MCUB: variants seen among roughly 807,000 people sequenced by gnomAD.
MCUB encodes calcium uniporter regulatory subunit MCUb, mitochondrial.
A neutral mutation model predicts 41.4 loss-of-function variants in MCUB; 46 were observed. The observed-to-expected ratio is 1.11, with a 90% CI of 0.88 to 1.42. The LOEUF is 1.42. Ranked by LOEUF, MCUB falls within the 40% of genes most tolerant of loss-of-function variation. The probability of loss-of-function intolerance (pLI) is 0.00; values close to 1 mark genes in which losing one functional copy is unlikely to be tolerated. For synonymous variants in MCUB, 148 were observed against 148.2 expected (o/e 1.00, Z 0.01); for missense variants, 403 against 404.9 (o/e 1.00, Z 0.04).
intron 1 of MCUB, among the ~76,000 whole-genome samples, chr4:109,634,958 C>T (rs544756108): frequency 4.6e-5 from 7 of 152,080 alleles, no homozygotes; most frequent in Non-Finnish European, 7.4e-5. Context: ...CCTAGCCCCC[C>T]AACCCCCTGA....
chr4:109,607,658 C>T (rs1727909850), intron 1 of MCUB, among the ~76,000 whole-genome samples: 1 of 152,170 alleles, frequency 6.6e-6, no homozygotes, highest in Admixed American at 6.5e-5. Flanking sequence ...ACTGGATATG[C>T]TATTCTAGGG....
intron 1 of MCUB, among the ~76,000 whole-genome samples, chr4:109,593,725 C>G (rs1727492392): frequency 6.6e-6 from 1 of 152,200 alleles, no homozygotes; most frequent in Non-Finnish European, 1.5e-5. Flanking sequence ...ACATCTCCCA[C>G]TTTGGATCTA....
intron 1 of MCUB, among the ~76,000 whole-genome samples, chr4:109,571,306 T>TATTC (rs1561212442): frequency 9.6e-6 from 1 of 103,856 alleles, no homozygotes; most frequent in Non-Finnish European, 2.0e-5. Flanking sequence ...GATTAAACTT[T>TATTC]ATTTATTTAT....
At chr4:109,649,667 TG>T (rs1728915999) in intron 1 of MCUB, among the ~76,000 whole-genome samples, 2 of 152,304 alleles carry the variant, frequency 1.3e-5, no homozygotes, top group Admixed American at 1.3e-4. Context: ...TTTTTGTTTC[TG>T]GGGTTCTGTA....
At chr4:109,614,670 G>T (rs149281190) in intron 1 of MCUB, among the ~76,000 whole-genome samples, 138 of 149,438 alleles carry the variant, frequency 9.2e-4, no homozygotes, top group African/African-American at 3.4e-3. Context: ...GGGACTCAAG[G>T]TCGTGCTTGT....
chr4:109,654,348 CG>C (rs1255400707), intron 1 of MCUB, among the ~76,000 whole-genome samples: 1 of 152,092 alleles, frequency 6.6e-6, no homozygotes, highest in Non-Finnish European at 1.5e-5. Flanking sequence ...TGGTGGCTCA[CG>C]CCTGTAATCC....
chr4:109,641,407 C>T (rs1046088632), intron 1 of MCUB, among the ~76,000 whole-genome samples: 6 of 151,780 alleles, frequency 4.0e-5, no homozygotes, highest in Non-Finnish European at 8.8e-5. Flanking sequence ...CCCGGCCTAA[C>T]ACATACAATA....
chr4:109,664,220 C>G (rs1729293119), intron 3 of MCUB, 70 bp from the exon 4 acceptor site: 1 of 789,410 alleles, frequency 1.3e-6, no homozygotes, highest in Non-Finnish European at 2.2e-6. Context: ...TAGTAATTTT[C>G]TATGTGTTGG....
In MCUB at chr4:109,560,299, C is replaced by G; in HGVS notation, c.-39C>G. 7 of 1,060,478 alleles carry G rather than the reference C, an allele frequency of 6.6e-6. No individual in the cohort carries two copies. Among genetic ancestry groups the G allele is most frequent in the South Asian group, 4.0e-5 (1 of 25,238 alleles). 65.7% of individuals were successfully genotyped at this position (1,060,478 alleles called of 1,614,324 possible). On this transcript the variant is annotated 5_prime_UTR_variant, in exon 1 of 8. Coordinates refer to ENST00000394650, the MANE Select transcript of MCUB (RefSeq NM_017918.5). ...GGAGCCCGGCTGAGGGAGGATGCGC[C>G]GCTGACGCCTGCGGGAGCCGCGCGC... is the stretch of plus-strand genomic sequence containing the variant.
chr4:109,640,855 C>T (rs1728697902), intron 1 of MCUB, among the ~76,000 whole-genome samples: 1 of 152,216 alleles, frequency 6.6e-6, no homozygotes, highest in Non-Finnish European at 1.5e-5. Flanking sequence ...GCATTCACTA[C>T]CTGGTTAACT....
At chr4:109,656,336 TCTAA>T (rs1729098259) in intron 1 of MCUB, among the ~76,000 whole-genome samples, 1 of 146,108 alleles carries the variant, frequency 6.8e-6, no homozygotes, top group African/African-American at 2.5e-5. Context: ...AGGGAGGGGC[TCTAA>T]CTTTTACTCT....
intron 1 of MCUB, among the ~76,000 whole-genome samples, chr4:109,591,717 G>C (rs1180264866): frequency 6.6e-6 from 1 of 151,608 alleles, no homozygotes; most frequent in Non-Finnish European, 1.5e-5. Flanking sequence ...TTTGTTTTTT[G>C]AAATGGAGTC....
At chr4:109,573,287 C>G (rs1309095150) in intron 1 of MCUB, among the ~76,000 whole-genome samples, 2 of 152,050 alleles carry the variant, frequency 1.3e-5, no homozygotes, top group Non-Finnish European at 2.9e-5. Flanking sequence ...CCCATCTCTA[C>G]TAAAAATACA....
chr4:109,571,334 A>G (rs1726909698), intron 1 of MCUB, among the ~76,000 whole-genome samples: 1 of 151,992 alleles, frequency 6.6e-6, no homozygotes, highest in Non-Finnish European at 1.5e-5. Flanking sequence ...TTTATTTGAG[A>G]CTGAGTCTCA....
intron 1 of MCUB, among the ~76,000 whole-genome samples, chr4:109,637,763 G>T (rs953257553): frequency 1.3e-5 from 2 of 152,146 alleles, no homozygotes; most frequent in Non-Finnish European, 2.9e-5. Context: ...TGGTGGGAGG[G>T]GGGTGAGGGA....
At chr4:109,667,778 A>G (rs562240785) in intron 4 of MCUB, among the ~76,000 whole-genome samples, 9 of 151,222 alleles carry the variant, frequency 6.0e-5, no homozygotes, top group African/African-American at 2.2e-4. Flanking sequence ...TTCCTGTTAT[A>G]TGTATTCAAT....
intron 1 of MCUB, among the ~76,000 whole-genome samples, chr4:109,633,710 A>G (rs1343677199): frequency 6.6e-6 from 1 of 152,176 alleles, no homozygotes; most frequent in East Asian, 1.9e-4. Context: ...TCAGCCTTCT[A>G]TCATCTCAGA....
At chr4:109,562,881 G>GA (rs67010659) in intron 1 of MCUB, among the ~76,000 whole-genome samples, 209 of 149,816 alleles carry the variant, frequency 1.4e-3, no homozygotes, top group African/African-American at 3.6e-3. Flanking sequence ...TGGGTGAGGG[G>GA]AAAAAAAAAC....
intron 4 of MCUB, among the ~76,000 whole-genome samples, chr4:109,672,637 T>TG (rs1729483057): frequency 6.6e-6 from 1 of 152,226 alleles, no homozygotes; most frequent in Non-Finnish European, 1.5e-5. Context: ...CTGGTAAATG[T>TG]GGGAGAGTTT....
Sources: gnomAD v4.1 joint callset for allele counts (sites outside exome capture counted in the v4.1 genomes callset) on GRCh38, gnomAD v4.1.1 for gene constraint, MANE v1.5 for transcripts, NCBI Gene and HGNC (gene_info 2026-07-23, HGNC 2026-07-21) for gene names.